The following SHANK2 variants were observed in gnomAD, a reference collection of about 807,000 sequenced individuals.
SHANK2 encodes SH3 and multiple ankyrin repeat domains protein 2.
A neutral mutation model predicts 133.7 loss-of-function variants in SHANK2; 43 were observed. The ratio of observed to expected loss-of-function variants is 0.32; its 90% CI spans 0.25 to 0.41. The LOEUF (loss-of-function observed/expected upper bound fraction) is 0.41, where lower values mean the gene tolerates loss of function less well. Ranked by LOEUF, SHANK2 falls within the 10% of genes least tolerant of loss-of-function variation. SHANK2 has a pLI of 1.00. For synonymous variants in SHANK2, 1,017 were observed against 952.8 expected (o/e 1.07, Z -1.24); for missense variants, 1,994 against 2,235.8 (o/e 0.89, Z 2.18).
intron 14 of SHANK2, among the ~76,000 whole-genome samples, chr11:70,729,526 A>ATT (rs1313198775): frequency 6.5e-5 from 9 of 137,708 alleles, no homozygotes; most frequent in African/African-American, 1.1e-4. Context: ...TACTTTCTTC[A>ATT]TTTTTTTTTT....
intron 14 of SHANK2, among the ~76,000 whole-genome samples, chr11:70,714,362 A>G (rs908214757): frequency 1.2e-4 from 18 of 151,920 alleles, no homozygotes; most frequent in Admixed American, 1.1e-3. Context: ...CTGTGTGTTT[A>G]GGCAACGGTT....
intron 10 of SHANK2, among the ~76,000 whole-genome samples, chr11:70,931,954 A>AT (rs1324982297): frequency 6.6e-6 from 1 of 152,130 alleles, no homozygotes; most frequent in Admixed American, 6.5e-5. Flanking sequence ...CATAACAAAT[A>AT]TTTTTTTAAG....
At chr11:70,725,269 C>G (rs1158187374) in intron 14 of SHANK2, among the ~76,000 whole-genome samples, 1 of 152,192 alleles carries the variant, frequency 6.6e-6, no homozygotes, top group African/African-American at 2.4e-5. Flanking sequence ...ACTAACACCC[C>G]AAAGCAGCAA....
At chr11:70,743,718 C>T (rs1946580780) in intron 14 of SHANK2, among the ~76,000 whole-genome samples, 1 of 152,190 alleles carries the variant, frequency 6.6e-6, no homozygotes, top group Non-Finnish European at 1.5e-5. Flanking sequence ...TCCCCCTCAC[C>T]TTCTCCTCCC....
intron 1 of SHANK2, among the ~76,000 whole-genome samples, chr11:71,229,208 T>C (rs1342512692): frequency 6.6e-6 from 1 of 152,110 alleles, no homozygotes; most frequent in Non-Finnish European, 1.5e-5. Context: ...TTACTCAACA[T>C]AGAGCTGGAT....
At chr11:70,531,797 G>C (rs1341758052) in intron 17 of SHANK2, among the ~76,000 whole-genome samples, 2 of 152,180 alleles carry the variant, frequency 1.3e-5, no homozygotes, top group African/African-American at 4.8e-5. Context: ...CTGGTCACTT[G>C]CTGGCTGGCC....
chr11:71,126,725 CTTT>C (rs200961805), intron 3 of SHANK2, among the ~76,000 whole-genome samples: 14 of 130,258 alleles, frequency 1.1e-4, no homozygotes, highest in Admixed American at 4.7e-4. Flanking sequence ...TCATAAACGA[CTTT>C]TTTTTTTTTT....
chr11:71,057,425 T>C (rs1950933637), intron 9 of SHANK2, among the ~76,000 whole-genome samples: 1 of 152,110 alleles, frequency 6.6e-6, no homozygotes, highest in Non-Finnish European at 1.5e-5. Flanking sequence ...GAGAAACTAA[T>C]AAAGGCTTAA....
chr11:70,620,734 G>C (rs2060818739), intron 17 of SHANK2, among the ~76,000 whole-genome samples: 1 of 152,160 alleles, frequency 6.6e-6, no homozygotes, highest in Non-Finnish European at 1.5e-5. Flanking sequence ...TGATCCAATG[G>C]GATTAGTGTC....
chr11:70,922,624 T>C (rs550296657), intron 10 of SHANK2, among the ~76,000 whole-genome samples: 1 of 152,198 alleles, frequency 6.6e-6, no homozygotes, highest in Admixed American at 6.5e-5. Flanking sequence ...AAATATCCTA[T>C]TAATAAGGCT....
At position 70,901,775 on chromosome 11, in the gene SHANK2, TG is replaced by T. The variant is rs558521155; in HGVS notation, c.1108-5209del. On this transcript the variant is annotated intron_variant, in intron 10 of 25. Transcript: ENST00000601538. ...TTGGAGTACCCGGAGAAGGAGCACCTGGTGGAGGTTACAGCTCAGGCAAAGG... is the reference window on the plus strand; with the variant it reads ...TTGGAGTACCCGGAGAAGGAGCACCTGTGGAGGTTACAGCTCAGGCAAAGG... Among the ~76,000 whole-genome samples, 1,022 of 152,252 alleles carry T rather than the reference TG, an allele frequency of 6.7e-3. 10 individuals carry two copies. Among genetic ancestry groups the T allele is most frequent in the Non-Finnish European group, 9.8e-3 (666 of 68,004 alleles).
chr11:71,204,241 A>AC (rs1954081893), intron 2 of SHANK2, among the ~76,000 whole-genome samples: 2 of 152,058 alleles, frequency 1.3e-5, no homozygotes, highest in African/African-American at 2.4e-5. Context: ...ATCCAAAAAA[A>AC]ACCCATAAAC....
chr11:71,155,085 G>A (rs1590968071), intron 2 of SHANK2, among the ~76,000 whole-genome samples: 1 of 126,768 alleles, frequency 7.9e-6, no homozygotes, highest in African/African-American at 3.0e-5. Context: ...CCGGAGGAGG[G>A]GTGGACCTAC....
chr11:70,838,903 A>C (rs1948862471), intron 11 of SHANK2, among the ~76,000 whole-genome samples: 2 of 152,120 alleles, frequency 1.3e-5, no homozygotes. Context: ...GGGAAATCTA[A>C]TTAATGTGGG....
chr11:71,238,536 T>G lies in SHANK2; in HGVS notation c.-112-13740A>C, dbSNP rs1954850965. ...CTCTGCACCGCAACGTACCACTTAC[T>G]GAAGCAAGGAAAATGAACCCAACAC... On this transcript the variant is annotated intron_variant, in intron 1 of 25. Transcript: ENST00000601538. Among the ~76,000 whole-genome samples, 2 of 152,190 alleles carry G rather than the reference T, an allele frequency of 1.3e-5. 1 individual carries two copies. The highest frequency in any genetic ancestry group is 4.1e-4 in the South Asian group (2 of 4,832).
At chr11:70,592,733 A>G (rs1333937687) in intron 17 of SHANK2, among the ~76,000 whole-genome samples, 1 of 152,108 alleles carries the variant, frequency 6.6e-6, no homozygotes, top group African/African-American at 2.4e-5. Context: ...TCTAAGCAAC[A>G]GTGGCTGCGT....
chr11:71,140,320 A>T (rs1952530920), intron 3 of SHANK2, among the ~76,000 whole-genome samples: 1 of 152,280 alleles, frequency 6.6e-6, no homozygotes, highest in East Asian at 1.9e-4. Context: ...CTGTAGGTTA[A>T]ATCTGGGCTG....
chr11:70,549,524 G>A lies in SHANK2; in HGVS notation c.2062-46593C>T, dbSNP rs150180846. Among the ~76,000 whole-genome samples the A allele has an allele frequency of 1.8e-3, 274 of 152,320 alleles. 3 individuals carry two copies. Among genetic ancestry groups the A allele is most frequent in the African/African-American group, 6.2e-3 (259 of 41,576 alleles). ...ACATTTGCGAAGCGAGGTTGCTTCC[G>A]CTGTCCTCTCCTTTGGTGCTCGAGG... On this transcript the variant is annotated intron_variant, in intron 17 of 25. Transcript: ENST00000601538.
intron 10 of SHANK2, among the ~76,000 whole-genome samples, chr11:70,917,703 A>AG (rs1382485460): frequency 2.0e-5 from 3 of 152,228 alleles, no homozygotes; most frequent in Non-Finnish European, 4.4e-5. Context: ...TGTCCTTTGC[A>AG]GGGGCATGGA....
Sources: gnomAD v4.1 joint callset for allele counts (sites outside exome capture counted in the v4.1 genomes callset) on GRCh38, gnomAD v4.1.1 for gene constraint, MANE v1.5 for transcripts, NCBI Gene and HGNC (gene_info 2026-07-23, HGNC 2026-07-21) for gene names.